Variants in ASAP3 observed in about 807,000 individuals in gnomAD.
The protein encoded by ASAP3 is arf-GAP with SH3 domain, ANK repeat and PH domain-containing protein 3.
Under a neutral mutation model 118.2 loss-of-function variants are expected in ASAP3, and 85 were observed. That is an observed-to-expected ratio of 0.72 (90% CI 0.60 to 0.86). ASAP3 has a LOEUF of 0.86. Among genes scored for constraint, ASAP3 ranks in the 40% least tolerant of loss-of-function variants. ASAP3 has a pLI of 0.00. For synonymous variants in ASAP3, 432 were observed against 477.4 expected, an observed-to-expected ratio of 0.90 and a Z score of 1.24; for missense variants, 1,026 against 1,175.0, an observed-to-expected ratio of 0.87 and a Z score of 1.85.
intron 1 of ASAP3, among the ~76,000 whole-genome samples, chr1:23,478,893 C>T (rs56125609): frequency 0.014 from 2,183 of 152,292 alleles, 44 homozygotes; most frequent in African/African-American, 0.046. Flanking sequence ...CAGCACCTCT[C>T]CCTGGAACCT....
At chr1:23,439,062 G>T in intron 11 of ASAP3, 99 bp downstream of exon 11, 1 of 1,465,064 alleles carries the variant, frequency 6.8e-7, no homozygotes. Flanking sequence ...CCTAGGTTTG[G>T]GGGCCAGTCT....
intron 1 of ASAP3, among the ~76,000 whole-genome samples, chr1:23,480,336 T>C (rs1216527538): frequency 6.6e-6 from 1 of 152,218 alleles, no homozygotes; most frequent in Non-Finnish European, 1.5e-5. Context: ...CAATATAGTA[T>C]GAATTCTTAG....
intron 1 of ASAP3, chr1:23,479,771 G>T (rs924803097): frequency 6.6e-6 from 1 of 152,170 alleles, no homozygotes; most frequent in Non-Finnish European, 1.5e-5. Flanking sequence ...TCCATGAGGA[G>T]ATACATTGGG....
Position 23,429,672 on chromosome 1 carries a change from G to C in ASAP3, c.*184C>G, listed in dbSNP as rs1640353727. On this transcript the variant is annotated 3_prime_UTR_variant, in exon 25 of 25. Transcript: ENST00000336689. ...AAGAACCGCCATCAGTCCTAACAGG[G>C]AAAGGCCATGTGTCCTTGGTAGAGG... The C allele has an allele frequency of 3.5e-6, 2 of 574,466 alleles. No individual in the cohort carries two copies. The highest frequency in any genetic ancestry group is 6.0e-6 in the Non-Finnish European group (2 of 331,972). 35.6% of individuals were successfully genotyped at this position (574,466 alleles called of 1,614,324 possible).
chr1:23,484,011 C>T lies in ASAP3; in HGVS notation c.123G>A (p.Arg41=). ...MPRYRGAALA[R]EEILEGDQAI... is the part of the protein sequence containing the mutation. ...CCCGCCTCGGCCCCCTCACCTCCTC[C>T]CGCGCCAGCGCCGCCCCTCGGTACC... The change falls in exon 1 of 25, where the codon CGG becomes CGA. Residue 41 remains arginine (R), a synonymous_variant. Coordinates refer to ENST00000336689, the MANE Select transcript of ASAP3 (RefSeq NM_017707.4). 3 of 1,297,932 alleles carry T rather than the reference C, an allele frequency of 2.3e-6. No homozygotes were observed. The highest frequency in any genetic ancestry group is 2.9e-6 in the Non-Finnish European group (3 of 1,024,714). 80.4% of individuals were successfully genotyped at this position (1,297,932 alleles called of 1,614,324 possible).
At chr1:23,479,572 G>A (rs920624783) in intron 1 of ASAP3, among the ~76,000 whole-genome samples, 11 of 152,086 alleles carry the variant, frequency 7.2e-5, no homozygotes, top group African/African-American at 2.7e-4. Context: ...AAAGCAAACT[G>A]TAAAATTCAC....
chr1:23,454,592 T>A (rs999712115), intron 3 of ASAP3, among the ~76,000 whole-genome samples: 3 of 152,204 alleles, frequency 2.0e-5, no homozygotes, highest in African/African-American at 7.2e-5. Context: ...CCACTGGGAT[T>A]AAGGTTTGAA....
At chr1:23,468,155 A>G (rs1315472999) in intron 1 of ASAP3, among the ~76,000 whole-genome samples, 4 of 152,010 alleles carry the variant, frequency 2.6e-5, no homozygotes, top group Non-Finnish European at 5.9e-5. Flanking sequence ...CACAGCCAAA[A>G]TGTGGACCTG....
intron 1 of ASAP3, among the ~76,000 whole-genome samples, chr1:23,457,424 C>G (rs1641424752): frequency 6.6e-6 from 1 of 152,216 alleles, no homozygotes. Context: ...GGAGTGTTCT[C>G]AGAGGCCGGT....
At chr1:23,477,632 T>G (rs1030086820) in intron 1 of ASAP3, among the ~76,000 whole-genome samples, 2 of 152,018 alleles carry the variant, frequency 1.3e-5, no homozygotes, top group African/African-American at 4.8e-5. Context: ...AGAACAAACC[T>G]CAAAGAAGGC....
intron 1 of ASAP3, among the ~76,000 whole-genome samples, chr1:23,471,767 C>G (rs937169283): frequency 1.3e-5 from 2 of 152,174 alleles, no homozygotes; most frequent in African/African-American, 4.8e-5. Context: ...CGTGGCCCAG[C>G]ATAATACACA....
chr1:23,483,988 C>A lies in ASAP3; in HGVS notation c.129+17G>T. ...CCCGGCGCCGACCCCCGACCCCTCC[C>A]GCCTCGGCCCCCTCACCTCCTCCCG... is the stretch of plus-strand genomic sequence containing the variant. On this transcript the variant is annotated intron_variant, in intron 1 of 24. Transcript: ENST00000336689. 7.8e-7 allele frequency: 1 copy of A among 1,278,504 alleles called. No homozygotes were observed. The highest frequency in any genetic ancestry group is 2.5e-5 in the South Asian group (1 of 39,966). 79.2% of individuals were successfully genotyped at this position (1,278,504 alleles called of 1,614,324 possible).
chr1:23,452,820 G>GC, intron 3 of ASAP3, 49 bp from the exon 4 acceptor site: 2 of 1,565,622 alleles, frequency 1.3e-6, no homozygotes, highest in South Asian at 2.2e-5. Flanking sequence ...CCGGCATCCA[G>GC]CCCCTAGGGA....
intron 7 of ASAP3, 94 bp from the exon 8 acceptor site, chr1:23,441,824 G>T: frequency 7.7e-7 from 1 of 1,295,206 alleles, no homozygotes; most frequent in Non-Finnish European, 1.1e-6. Context: ...AAGGATCACA[G>T]GGCACCTCAG....
intron 24 of ASAP3, among the ~76,000 whole-genome samples, chr1:23,430,653 C>T (rs1385090988): frequency 6.6e-6 from 1 of 152,232 alleles, no homozygotes; most frequent in Non-Finnish European, 1.5e-5. Flanking sequence ...CACAACTTTC[C>T]TCATCCTCCC....
chr1:23,437,519 C>T lies in ASAP3; in HGVS notation c.1103-47G>A, dbSNP rs185420378. 2.5e-6 allele frequency: 4 copies of T among 1,610,148 alleles called. No individual in the cohort carries two copies. Among genetic ancestry groups the T allele is most frequent in the Non-Finnish European group, 3.4e-6 (4 of 1,178,012 alleles). ...TCTGACCCACAGAAATGCTGCTGGC[C>T]TTCCCGGAGCCCAGGGAGCCCCCAC... On this transcript the variant is annotated intron_variant, in intron 12 of 24. Transcript: ENST00000336689. The surrounding 1 kb of genome is among the most constrained non-coding windows in gnomAD (Gnocchi z 6.1).
At chr1:23,473,606 ACAGTTTCTGC>A (rs2148659859) in intron 1 of ASAP3, among the ~76,000 whole-genome samples, 1 of 152,302 alleles carries the variant, frequency 6.6e-6, no homozygotes, top group South Asian at 2.1e-4. Flanking sequence ...ACCTAAAGTT[ACAGTTTCTGC>A]CTCCAAATCT....
Position 23,429,617 on chromosome 1 carries a change from C to T in ASAP3, c.*239G>A. The T allele has an allele frequency of 2.4e-6, 1 of 420,600 alleles. No homozygotes were observed. The allele number at this position is 420,600 out of a possible 1,614,324, so 26.1% of individuals were successfully genotyped here. ...AGCACTCAGATCCAGCCACAGGGCT[C>T]CCAGGCCCCTAGCGGGTAATGAGAT... On this transcript the variant is annotated 3_prime_UTR_variant, in exon 25 of 25. Transcript: ENST00000336689.
chr1:23,454,424 G>A (rs987545604), intron 3 of ASAP3, among the ~76,000 whole-genome samples: 2 of 152,114 alleles, frequency 1.3e-5, no homozygotes, highest in Non-Finnish European at 2.9e-5. Context: ...GACCTCAAGT[G>A]ATCCGCCCAC....
Sources: allele counts gnomAD v4.1 joint callset (sites outside exome capture counted in the v4.1 genomes callset), GRCh38; gene constraint gnomAD v4.1.1; non-coding constraint Gnocchi (gnomAD v3.1); transcripts MANE v1.5; gene names NCBI Gene and HGNC (gene_info 2026-07-23, HGNC 2026-07-21).